The following CTBP1 variants were observed in gnomAD, a reference collection of about 807,000 sequenced individuals.
CTBP1 encodes the protein C-terminal binding protein 1, also known as C-terminal-binding protein 1.
Under a neutral mutation model 42.1 loss-of-function variants are expected in CTBP1, and 11 were observed. That is an observed-to-expected ratio of 0.26 (90% CI 0.16 to 0.43). The LOEUF (loss-of-function observed/expected upper bound fraction) is 0.43, where lower values mean the gene tolerates loss of function less well. Ranked by LOEUF, CTBP1 falls within the 20% of genes least tolerant of loss-of-function variation. The pLI is 1.00. For missense variants in CTBP1, 399 were observed against 624.3 expected (o/e 0.64, Z 3.85); for synonymous variants, 324 against 277.1 (o/e 1.17, Z -1.68).
intron 1 of CTBP1, chr4:1,241,749 C>T: frequency 8.4e-7 from 1 of 1,195,448 alleles, no homozygotes; most frequent in Non-Finnish European, 1.1e-6. Flanking sequence ...CGAGGCCGCG[C>T]CCCTGTGGCC....
chr4:1,231,985 C>G (rs1330104066), intron 3 of CTBP1, among the ~76,000 whole-genome samples: 1 of 152,266 alleles, frequency 6.6e-6, no homozygotes, highest in Non-Finnish European at 1.5e-5. Flanking sequence ...CCAAACGCCA[C>G]CGCCCTCATC....
At chr4:1,229,097 C>CA in intron 3 of CTBP1, among the ~76,000 whole-genome samples, 1 of 152,346 alleles carries the variant, frequency 6.6e-6, no homozygotes, top group African/African-American at 2.4e-5. Context: ...TCCACTCAGC[C>CA]AGTACATGGC....
chr4:1,249,966 A>G (rs1733173792), upstream of CTBP1: 2 of 170,970 alleles, frequency 1.2e-5, no homozygotes, highest in Non-Finnish European at 2.6e-5. Flanking sequence ...CTGCTCACCC[A>G]GGGGCTGCCC....
intron 5 of CTBP1, among the ~76,000 whole-genome samples, chr4:1,222,943 C>G (rs535760311): frequency 2.7e-5 from 4 of 150,224 alleles, no homozygotes; most frequent in East Asian, 3.9e-4. Flanking sequence ...ATACCCCCCC[C>G]ACATCCCACA....
rs1026985474 is a variant in CTBP1 at position 1,228,466 on chromosome 4, C to A, written c.163-123G>T. 37 of 1,226,632 alleles carry A rather than the reference C, an allele frequency of 3.0e-5. 1 individual carries two copies. In the South Asian group the frequency reaches 4.9e-4, roughly 16 times the overall value. The allele number at this position is 1,226,632 out of a possible 1,614,324, so 76.0% of individuals were successfully genotyped here. ...GCCCTCAGGCTTGTTCCCCAAGCAC[C>A]AGCCCGGACACTGGGAGAGGCTACA... On this transcript the variant is annotated intron_variant, in intron 3 of 9. Coordinates refer to ENST00000382952, the MANE Select transcript of CTBP1 (RefSeq NM_001012614.2).
intron 1 of CTBP1, chr4:1,245,273 GC>G (rs1300399158): frequency 1.0e-6 from 1 of 985,318 alleles, no homozygotes; most frequent in Non-Finnish European, 1.2e-6. Context: ...GCATGGATTT[GC>G]CAGCAAGATT....
rs529588393 is a variant in CTBP1 at position 1,227,443 on chromosome 4, C to T, written c.307+756G>A. Among the ~76,000 whole-genome samples, 4 of 144,284 alleles carry T rather than the reference C, an allele frequency of 2.8e-5. No individual in the cohort carries two copies. The South Asian group carries it at 6.7e-4, about 24-fold the overall frequency. The allele number at this position is 144,284 out of a possible 152,430, so 94.7% of individuals were successfully genotyped here. ...GTGTGCGTGATCCGTGTGCTGAGTG[C>T]GTGTGCACGGGTGCAGATGAGTGTG... On this transcript the variant is annotated intron_variant, in intron 4 of 9. Transcript: ENST00000382952.
At chr4:1,224,222 GGT>G (rs753594987) in intron 5 of CTBP1, among the ~76,000 whole-genome samples, 41 of 152,304 alleles carry the variant, frequency 2.7e-4, no homozygotes, top group Non-Finnish European at 4.3e-4. Context: ...TCATGTGTAT[GGT>G]GTGATATCCA....
At position 1,223,329 on chromosome 4, in the gene CTBP1, T is replaced by C. The variant is rs1277317466; in HGVS notation, c.514+2031A>G. On this transcript the variant is annotated intron_variant, in intron 5 of 9. Transcript: ENST00000382952. ...CAGGCTCCAGCCAGCCCTGGGGTCC[T>C]GGTGGGGGCACCAGCAAGACCGTGA... The C allele has an allele frequency of 3.1e-4, 130 of 413,174 alleles. 1 individual carries two copies. The highest frequency in any genetic ancestry group is 2.1e-3 in the South Asian group (126 of 58,640). The allele number at this position is 413,174 out of a possible 1,614,324, so 25.6% of individuals were successfully genotyped here. A position where few individuals can be genotyped will look rare whatever the true frequency, so the allele number is the denominator to read the frequency against.
intron 3 of CTBP1, among the ~76,000 whole-genome samples, chr4:1,232,036 G>A (rs146559107): frequency 6.6e-6 from 1 of 152,240 alleles, no homozygotes; most frequent in Admixed American, 6.5e-5. Context: ...TGATTGGGAG[G>A]AGTCTTTGAA....
rs905333150 is a variant in CTBP1 at position 1,229,090 on chromosome 4, A to C, written c.163-747T>G. 3.3e-5 allele frequency among the ~76,000 whole-genome samples: 5 copies of C among 152,260 alleles called. No individual in the cohort carries two copies. The East Asian group carries it at 9.7e-4, about 29-fold the overall frequency. ...ACAGCAGCCCAACCCTGGCGCCTCC[A>C]CTCAGCCAGTACATGGCATCGCTGT... On this transcript the variant is annotated intron_variant, in intron 3 of 9. Coordinates refer to ENST00000382952, the MANE Select transcript of CTBP1 (RefSeq NM_001012614.2).
intron 3 of CTBP1, among the ~76,000 whole-genome samples, chr4:1,234,120 G>A (rs1337711870): frequency 6.6e-6 from 1 of 152,178 alleles, no homozygotes. Flanking sequence ...GCAAGAAAGC[G>A]TGGGCAGCCA....
At chr4:1,232,090 C>T (rs1295003681) in intron 3 of CTBP1, among the ~76,000 whole-genome samples, 1 of 152,236 alleles carries the variant, frequency 6.6e-6, no homozygotes, top group African/African-American at 2.4e-5. Flanking sequence ...CAGGACCTCG[C>T]TGGACTGCAG....
At chr4:1,249,411 A>C (rs1476547276), upstream of CTBP1, 1 of 152,086 alleles carries the variant, frequency 6.6e-6, no homozygotes, top group African/African-American at 2.4e-5. Context: ...CGCCCCGAGG[A>C]CCCTGCGGGC....
intron 1 of CTBP1, chr4:1,241,898 A>T: frequency 9.4e-7 from 1 of 1,068,292 alleles, no homozygotes; most frequent in Non-Finnish European, 1.1e-6. Flanking sequence ...AAACTGCGGA[A>T]AGGCTCTGCC....
intron 7 of CTBP1, chr4:1,213,919 G>A: frequency 4.6e-6 from 2 of 430,488 alleles, no homozygotes; most frequent in Non-Finnish European, 8.3e-6. Flanking sequence ...CCCAGGAGCT[G>A]CAGGCTGATA....
At chr4:1,227,100 G>A (rs1020520315) in intron 4 of CTBP1, among the ~76,000 whole-genome samples, 5 of 152,030 alleles carry the variant, frequency 3.3e-5, no homozygotes, top group African/African-American at 1.2e-4. Context: ...GCCAAGCACC[G>A]CCCCAAGTTT....
chr4:1,212,948 G>T lies in CTBP1; in HGVS notation c.1071C>A (p.Ala357=), dbSNP rs367988327. The T allele has an allele frequency of 6.2e-7, 1 of 1,613,812 alleles. No individual in the cohort carries two copies. Among genetic ancestry groups the T allele is most frequent in the East Asian group, 2.2e-5 (1 of 44,876 alleles). ...AATHWASMDP[A]VVHPELNGAA... is the part of the protein sequence containing the mutation. ...CCCCATTGAGCTCAGGGTGCACGACGGCGGGGTCCATGCTGGCCCAGTGGG... is the reference window on the plus strand; with the variant it reads ...CCCCATTGAGCTCAGGGTGCACGACTGCGGGGTCCATGCTGGCCCAGTGGG... The change falls in exon 9 of 10, where the codon GCC becomes GCA. Residue 357 remains alanine (A), a synonymous_variant. Transcript: ENST00000382952.
At position 1,240,332 on chromosome 4, in the gene CTBP1, C is replaced by G. The variant is rs368071648; in HGVS notation, c.7+993G>C. Among the ~76,000 whole-genome samples the G allele has an allele frequency of 1.8e-3, 221 of 126,156 alleles. 3 individuals are homozygous for G. Among genetic ancestry groups the G allele is most frequent in the South Asian group, 6.3e-3 (21 of 3,332 alleles). 82.8% of individuals were successfully genotyped at this position (126,156 alleles called of 152,430 possible). On this transcript the variant is annotated intron_variant, in intron 2 of 9. Transcript: ENST00000382952. Reference sequence around the variant, plus strand: ...CTGGGTGAGTGGGAACCGGGTCCCTCGTCGGAACCGCGTGGGGGACTCCCG... The same window carrying G: ...CTGGGTGAGTGGGAACCGGGTCCCTGGTCGGAACCGCGTGGGGGACTCCCG...
Sources: gnomAD v4.1 joint callset for allele counts (sites outside exome capture counted in the v4.1 genomes callset) on GRCh38, gnomAD v4.1.1 for gene constraint, MANE v1.5 for transcripts, NCBI Gene and HGNC (gene_info 2026-07-23, HGNC 2026-07-21) for gene names.